The following PLCB1 variants were observed in gnomAD, a reference collection of about 807,000 sequenced individuals.
PLCB1 encodes 1-phosphatidylinositol 4,5-bisphosphate phosphodiesterase beta-1.
In PLCB1, 46 loss-of-function variants were observed where a neutral mutation model predicts 161.8. The ratio of observed to expected loss-of-function variants is 0.28; its 90% CI spans 0.22 to 0.36. The LOEUF (loss-of-function observed/expected upper bound fraction) is 0.36. Among genes scored for constraint, PLCB1 ranks in the 10% least tolerant of loss-of-function variants. PLCB1 has a pLI of 1.00. For synonymous variants in PLCB1, 517 were observed against 503.7 expected (o/e 1.03, Z -0.35); for missense variants, 1,016 against 1,472.5 (o/e 0.69, Z 5.07).
rs1164951090 is a variant in PLCB1, at chr20:8,662,345, G to A, written c.862+3641G>A. ...ATGTAATTATTTATTATATAATTAT[G>A]TATAATATGTAATTATTTATTATAT... is the stretch of plus-strand genomic sequence containing the variant. On this transcript the variant is annotated intron_variant, in intron 9 of 31. Transcript: ENST00000338037. Among the ~76,000 whole-genome samples, 175 of 109,806 alleles carry A rather than the reference G, an allele frequency of 1.6e-3. 1 individual carries two copies. The highest frequency in any genetic ancestry group is 2.1e-3 in the Non-Finnish European group (122 of 57,732). 72.0% of individuals were successfully genotyped at this position (109,806 alleles called of 152,430 possible).
intron 2 of PLCB1, among the ~76,000 whole-genome samples, chr20:8,232,388 T>C (rs1368894750): frequency 6.6e-6 from 1 of 152,166 alleles, no homozygotes; most frequent in Non-Finnish European, 1.5e-5. Context: ...AAATGCAAAA[T>C]TATAAGACAG....
intron 26 of PLCB1, among the ~76,000 whole-genome samples, chr20:8,766,193 C>T (rs554369222): frequency 2.6e-5 from 4 of 152,202 alleles, no homozygotes; most frequent in African/African-American, 9.6e-5. Flanking sequence ...ACATGACCTA[C>T]CCAATCATCT....
chr20:8,694,290 T>C (rs546406140), intron 10 of PLCB1, among the ~76,000 whole-genome samples: 1 of 152,154 alleles, frequency 6.6e-6, no homozygotes, highest in Non-Finnish European at 1.5e-5. Context: ...TAAATGTGGG[T>C]TTTCTCAAAG....
intron 3 of PLCB1, among the ~76,000 whole-genome samples, chr20:8,465,427 C>G (rs1479558272): frequency 6.6e-6 from 1 of 151,876 alleles, no homozygotes; most frequent in Non-Finnish European, 1.5e-5. Context: ...TTCTTGTTTT[C>G]TGAAAGAATT....
intron 31 of PLCB1, among the ~76,000 whole-genome samples, chr20:8,868,148 A>G (rs1473479572): frequency 6.6e-6 from 1 of 152,170 alleles, no homozygotes; most frequent in African/African-American, 2.4e-5. Flanking sequence ...TATTCTGATT[A>G]AATTAGACTG....
chr20:8,346,623 G>A (rs1308805009), intron 2 of PLCB1, among the ~76,000 whole-genome samples: 1 of 152,154 alleles, frequency 6.6e-6, no homozygotes, highest in Non-Finnish European at 1.5e-5. Context: ...GCAGTGACAA[G>A]CAAAATTCTG....
At chr20:8,644,110 A>G (rs1221519148) in intron 4 of PLCB1, among the ~76,000 whole-genome samples, 5 of 152,302 alleles carry the variant, frequency 3.3e-5, no homozygotes, top group Middle Eastern at 3.4e-3. Context: ...AATGGTGCCC[A>G]GGCTGGAGTG....
At chr20:8,370,646 CT>C (rs1986874461) in intron 2 of PLCB1, among the ~76,000 whole-genome samples, 1 of 152,124 alleles carries the variant, frequency 6.6e-6, no homozygotes, top group Admixed American at 6.5e-5. Flanking sequence ...TTAATGATTT[CT>C]CATAAACTTT....
chr20:8,414,355 A>AAAAC (rs918160466), intron 3 of PLCB1, among the ~76,000 whole-genome samples: 2 of 152,194 alleles, frequency 1.3e-5, no homozygotes, highest in East Asian at 1.9e-4. Flanking sequence ...ACAAAAACAA[A>AAAAC]AAACAAACAA....
At chr20:8,754,679 A>G (rs1456003578) in intron 23 of PLCB1, among the ~76,000 whole-genome samples, 1 of 152,180 alleles carries the variant, frequency 6.6e-6, no homozygotes, top group Non-Finnish European at 1.5e-5. Context: ...CTGGGAGGCC[A>G]GCAAAGCGTT....
At chr20:8,282,836 G>A (rs1419087277) in intron 2 of PLCB1, among the ~76,000 whole-genome samples, 2 of 152,096 alleles carry the variant, frequency 1.3e-5, no homozygotes, top group Non-Finnish European at 2.9e-5. Flanking sequence ...ATTAATAAGG[G>A]ATCATGGTAG....
At chr20:8,657,113 G>T (rs1038113992) in intron 7 of PLCB1, 71 bp from the exon 8 acceptor site, 1 of 841,264 alleles carries the variant, frequency 1.2e-6, no homozygotes, top group African/African-American at 1.7e-5. Flanking sequence ...AGAAGACAGA[G>T]AAAAAACAGG....
chr20:8,294,047 G>C (rs1160036080), intron 2 of PLCB1, among the ~76,000 whole-genome samples: 1 of 152,146 alleles, frequency 6.6e-6, no homozygotes, highest in Non-Finnish European at 1.5e-5. Context: ...CTGGAAATGA[G>C]AGGAATGTTT....
intron 9 of PLCB1, among the ~76,000 whole-genome samples, chr20:8,664,373 A>G (rs940972794): frequency 3.9e-5 from 6 of 152,156 alleles, no homozygotes; most frequent in Non-Finnish European, 5.9e-5. Flanking sequence ...TTTTAGGCAA[A>G]GTTCAGATAC....
At position 8,757,444 on chromosome 20, in the gene PLCB1, C is replaced by A. The variant is rs2076412; in HGVS notation, c.2656+266C>A. 0.25 allele frequency among the ~76,000 whole-genome samples: 37,721 copies of A among 152,078 alleles called. 5,233 individuals are homozygous for A. Among genetic ancestry groups the A allele is most frequent in the Non-Finnish European group, 0.32 (21,661 of 67,978 alleles). On this transcript the variant is annotated intron_variant, in intron 24 of 31. Transcript: ENST00000338037. ...GTCCTTTTTCAGTGATGAGTTATGA[C>A]CCATCTGCTGGCACAGTTTGAGAAG...
intron 27 of PLCB1, among the ~76,000 whole-genome samples, chr20:8,776,108 C>A (rs1213136484): frequency 6.6e-6 from 1 of 152,128 alleles, no homozygotes; most frequent in Non-Finnish European, 1.5e-5. Flanking sequence ...CCCCAGTAGT[C>A]CAGAACATAA....
At chr20:8,300,670 A>G (rs537066322) in intron 2 of PLCB1, among the ~76,000 whole-genome samples, 79 of 152,118 alleles carry the variant, frequency 5.2e-4, no homozygotes, top group African/African-American at 1.8e-3. Context: ...TAGGTATGTT[A>G]TTTTTAAAGA....
intron 2 of PLCB1, among the ~76,000 whole-genome samples, chr20:8,224,272 A>T (rs1210947887): frequency 6.6e-6 from 1 of 152,218 alleles, no homozygotes; most frequent in Admixed American, 6.6e-5. Context: ...CTATAAATTA[A>T]AAATGATCGT....
At chr20:8,686,686 A>T (rs1281930950) in intron 10 of PLCB1, among the ~76,000 whole-genome samples, 1 of 152,100 alleles carries the variant, frequency 6.6e-6, no homozygotes, top group Non-Finnish European at 1.5e-5. Flanking sequence ...TCTCCTTTTG[A>T]GAGACCAAAT....
Sources: allele counts gnomAD v4.1 joint callset (sites outside exome capture counted in the v4.1 genomes callset), GRCh38; gene constraint gnomAD v4.1.1; transcripts MANE v1.5; gene names NCBI Gene and HGNC (gene_info 2026-07-23, HGNC 2026-07-21).